DPY19L2: variants seen among roughly 807,000 people sequenced by gnomAD.
DPY19L2 encodes dpy-19 like 2.
Under a neutral mutation model 97.9 loss-of-function variants are expected in DPY19L2, and 34 were observed. The observed-to-expected ratio is 0.35, with a 90% CI of 0.26 to 0.46. The LOEUF (loss-of-function observed/expected upper bound fraction) is 0.46, where lower values mean the gene tolerates loss of function less well. Ranked by LOEUF, DPY19L2 falls within the 20% of genes least tolerant of loss-of-function variation. DPY19L2 has a pLI of 1.00. For missense variants in DPY19L2, 623 were observed against 911.4 expected (o/e 0.68, Z 4.07); for synonymous variants, 230 against 307.9 (o/e 0.75, Z 2.65).
At chr12:63,578,046 T>G (rs573363524) in intron 19 of DPY19L2, among the ~76,000 whole-genome samples, 2 of 152,214 alleles carry the variant, frequency 1.3e-5, no homozygotes, top group African/African-American at 4.8e-5. Flanking sequence ...GCAACCTAAG[T>G]GTCCATCAAC....
At position 63,661,282 on chromosome 12, in the gene DPY19L2, C is replaced by T. The variant is rs756064138; in HGVS notation, c.588+62G>A. ...CCCTTTCTTAACAAGATTGTGCTTA[C>T]TATTTTTATCTGACAAAGAGGATCA... On this transcript the variant is annotated intron_variant, in intron 4 of 21. Coordinates refer to ENST00000324472, the MANE Select transcript of DPY19L2 (RefSeq NM_173812.5). 45 of 1,440,574 alleles carry T rather than the reference C, an allele frequency of 3.1e-5. 1 individual carries two copies. In the South Asian group the frequency reaches 3.9e-4, roughly 13 times the overall value. The allele number at this position is 1,440,574 out of a possible 1,614,324, so 89.2% of individuals were successfully genotyped here.
At chr12:63,661,243 C>G in intron 4 of DPY19L2, 101 bp downstream of exon 4, 1 of 1,222,260 alleles carries the variant, frequency 8.2e-7, no homozygotes, top group Non-Finnish European at 1.1e-6. Flanking sequence ...ATTAATAAAC[C>G]TGAAACGTCC....
intron 11 of DPY19L2, among the ~76,000 whole-genome samples, chr12:63,610,830 GATGAATATAGCA>G (rs1886818461): frequency 4.3e-5 from 1 of 23,110 alleles, no homozygotes; most frequent in Non-Finnish European, 8.9e-5. Flanking sequence ...CAGTACCTCT[GATGAATATAGCA>G]AAAAAAAAAA....
Position 63,656,324 on chromosome 12 carries a change from T to A in DPY19L2, c.588+5020A>T, listed in dbSNP as rs186478689. Reference sequence around the variant, plus strand: ...GACCGTCAACCTCAAATGAAGCCCTTGGTGCTGCCCAAGAAACTCACATTA... The same window carrying A: ...GACCGTCAACCTCAAATGAAGCCCTAGGTGCTGCCCAAGAAACTCACATTA... On this transcript the variant is annotated intron_variant, in intron 4 of 21. Coordinates refer to ENST00000324472, the MANE Select transcript of DPY19L2 (RefSeq NM_173812.5). Among the ~76,000 whole-genome samples the A allele has an allele frequency of 1.6e-3, 248 of 152,304 alleles. 1 individual carries two copies. The highest frequency in any genetic ancestry group is 0.01 in the Middle Eastern group (3 of 294).
chr12:63,607,759 G>A (rs397834088), intron 12 of DPY19L2, among the ~76,000 whole-genome samples: 1 of 152,038 alleles, frequency 6.6e-6, no homozygotes, highest in African/African-American at 2.4e-5. Context: ...CAGCCTCCTG[G>A]GTAGTTGGGA....
intron 20 of DPY19L2, among the ~76,000 whole-genome samples, chr12:63,569,633 A>G (rs147763935): frequency 0.019 from 2,943 of 152,228 alleles, 43 homozygotes; most frequent in Non-Finnish European, 0.029. Flanking sequence ...AGGATATACA[A>G]TTTTCTTCTC....
At chr12:63,564,043 C>T (rs562330301) in intron 21 of DPY19L2, among the ~76,000 whole-genome samples, 23 of 152,146 alleles carry the variant, frequency 1.5e-4, no homozygotes, top group African/African-American at 5.3e-4. Flanking sequence ...AAAGTTGTTC[C>T]CAAAACTCCC....
At chr12:63,629,530 G>C (rs1444824347) in intron 6 of DPY19L2, among the ~76,000 whole-genome samples, 1 of 152,150 alleles carries the variant, frequency 6.6e-6, no homozygotes, top group Non-Finnish European at 1.5e-5. Context: ...AGAATAAAAA[G>C]AAACAAACAA....
intron 4 of DPY19L2, among the ~76,000 whole-genome samples, chr12:63,654,877 A>G (rs1335562800): frequency 6.6e-6 from 1 of 152,168 alleles, no homozygotes. Context: ...GAACAAATAC[A>G]TAATTTTACT....
intron 4 of DPY19L2, among the ~76,000 whole-genome samples, chr12:63,654,994 C>T (rs1362753557): frequency 1.3e-5 from 2 of 151,998 alleles, no homozygotes; most frequent in Non-Finnish European, 2.9e-5. Flanking sequence ...TTGAGACAAA[C>T]TCAACAACAC....
At chr12:63,604,567 T>G (rs1885729389) in intron 12 of DPY19L2, among the ~76,000 whole-genome samples, 1 of 152,062 alleles carries the variant, frequency 6.6e-6, no homozygotes, top group South Asian at 2.1e-4. Context: ...ATTGGGAGAT[T>G]TCTATTGTTC....
At chr12:63,570,609 ATT>A in intron 20 of DPY19L2, 147 bp downstream of exon 20, 2 of 821,470 alleles carry the variant, frequency 2.4e-6, no homozygotes, top group Non-Finnish European at 3.6e-6. Flanking sequence ...GGTTATTGTC[ATT>A]TTTTTTTAAC....
intron 2 of DPY19L2, among the ~76,000 whole-genome samples, chr12:63,664,354 A>T (rs963301019): frequency 1.3e-5 from 2 of 151,808 alleles, no homozygotes; most frequent in African/African-American, 4.8e-5. Context: ...ACAAACAAAA[A>T]AAAACAAAAC....
At chr12:63,635,404 G>A (rs1261498066) in intron 6 of DPY19L2, among the ~76,000 whole-genome samples, 2 of 152,146 alleles carry the variant, frequency 1.3e-5, no homozygotes, top group Non-Finnish European at 2.9e-5. Flanking sequence ...ATAGCTCCTT[G>A]CCAGCAACAG....
intron 13 of DPY19L2, 144 bp downstream of exon 13, chr12:63,600,162 T>C: frequency 1.7e-6 from 1 of 574,684 alleles, no homozygotes; most frequent in East Asian, 2.9e-5. Context: ...GACTTTATTA[T>C]TGACTCTGCC....
intron 1 of DPY19L2, chr12:63,666,574 G>A (rs1896366096): frequency 2.4e-6 from 1 of 410,508 alleles, no homozygotes; most frequent in African/African-American, 2.1e-5. Context: ...TCTGGAGAGA[G>A]AAGAGTGGGT....
Position 63,665,895 on chromosome 12 carries a change from T to C in DPY19L2, c.338-36A>G, listed in dbSNP as rs1423233318. 3 of 1,535,742 alleles carry C rather than the reference T, an allele frequency of 2.0e-6. No individual in the cohort carries two copies. The South Asian group carries it at 3.6e-5, about 18-fold the overall frequency. ...GAAAAAAAGGAAAGTCATTAATAGC[T>C]GCTTTATTATAAAATACCATTAAAA... On this transcript the variant is annotated intron_variant, in intron 1 of 21. Transcript: ENST00000324472.
intron 14 of DPY19L2, among the ~76,000 whole-genome samples, chr12:63,596,980 T>C (rs1884356034): frequency 6.6e-6 from 1 of 152,014 alleles, no homozygotes; most frequent in Non-Finnish European, 1.5e-5. Flanking sequence ...AATTTTTTTT[T>C]CTTTTTTTTT....
chr12:63,564,858 T>C (rs963528865), intron 21 of DPY19L2, among the ~76,000 whole-genome samples: 1 of 151,782 alleles, frequency 6.6e-6, no homozygotes, highest in African/African-American at 2.4e-5. Flanking sequence ...ATTTGTCTAT[T>C]TTTCCTAAAG....
Sources: gnomAD v4.1 joint callset for allele counts (sites outside exome capture counted in the v4.1 genomes callset) on GRCh38, gnomAD v4.1.1 for gene constraint, MANE v1.5 for transcripts, NCBI Gene and HGNC (gene_info 2026-07-23, HGNC 2026-07-21) for gene names.